AAK1: variants seen among roughly 807,000 people sequenced by gnomAD.
The protein encoded by AAK1 is AP2-associated protein kinase 1.
AAK1 carries 37 observed loss-of-function variants against 116.0 expected under a neutral mutation model. The observed-to-expected ratio is 0.32, with a 90% CI of 0.25 to 0.42. The LOEUF (loss-of-function observed/expected upper bound fraction) is 0.42, where lower values mean the gene tolerates loss of function less well. AAK1 is among the 10% of genes least tolerant of loss of function. AAK1 has a pLI of 1.00. For synonymous variants in AAK1, 458 were observed against 439.9 expected, an observed-to-expected ratio of 1.04 and a Z score of -0.51; for missense variants, 919 against 1,170.6, an observed-to-expected ratio of 0.79 and a Z score of 3.14.
At chr2:69,492,865 G>T (rs1291752871) in intron 17 of AAK1, among the ~76,000 whole-genome samples, 1 of 151,858 alleles carries the variant, frequency 6.6e-6, no homozygotes, top group Non-Finnish European at 1.5e-5. Flanking sequence ...AGTAGAAGAT[G>T]AGCATGTATG....
intron 2 of AAK1, among the ~76,000 whole-genome samples, chr2:69,578,340 A>G (rs1672399586): frequency 6.6e-6 from 1 of 152,194 alleles, no homozygotes; most frequent in South Asian, 2.1e-4. Flanking sequence ...TTAGTGATTC[A>G]ATCCTAAGGA....
In AAK1 at chr2:69,643,237, C is replaced by A. The variant is rs1675828861; in HGVS notation, c.-197G>T. On this transcript the variant is annotated 5_prime_UTR_variant, in exon 2 of 22. Transcript: ENST00000409085. ...ATGCGTGTCAATCGCGCAGCGGGTC[C>A]CCTCCTCCTCCAGAAAGCGATTCGT... 7.1e-7 allele frequency: 1 copy of A among 1,408,286 alleles called. No individual in the cohort carries two copies. Among genetic ancestry groups the A allele is most frequent in the Admixed American group, 3.2e-5 (1 of 31,634 alleles). 87.2% of individuals were successfully genotyped at this position (1,408,286 alleles called of 1,614,324 possible). A position where few individuals can be genotyped will look rare whatever the true frequency, so the allele number is the denominator to read the frequency against.
chr2:69,612,845 T>G (rs1674149264), intron 2 of AAK1, among the ~76,000 whole-genome samples: 1 of 152,232 alleles, frequency 6.6e-6, no homozygotes, highest in South Asian at 2.1e-4. Context: ...TGTCTTCCAC[T>G]CTACTATGAT....
rs1553407377 is a variant in AAK1, at chr2:69,472,064, C to T, written c.*3805G>A. The T allele has an allele frequency of 1.0e-6, 1 of 985,090 alleles. No homozygotes were observed. Among genetic ancestry groups the T allele is most frequent in the South Asian group, 4.7e-5 (1 of 21,276 alleles). 61.0% of individuals were successfully genotyped at this position (985,090 alleles called of 1,614,324 possible). On this transcript the variant is annotated 3_prime_UTR_variant, in exon 22 of 22. Transcript: ENST00000409085. ...AACTTCTTTCAGAGGTGTTTTAATA[C>T]CCATATCTTTCAATGTTTTAAACCA...
At chr2:69,552,412 G>A (rs1447113593) in intron 3 of AAK1, among the ~76,000 whole-genome samples, 1 of 151,992 alleles carries the variant, frequency 6.6e-6, no homozygotes, top group Non-Finnish European at 1.5e-5. Context: ...GACTCATTAT[G>A]CAAAAATTAA....
intron 2 of AAK1, among the ~76,000 whole-genome samples, chr2:69,576,783 C>T (rs2105133331): frequency 6.6e-6 from 1 of 152,248 alleles, no homozygotes; most frequent in East Asian, 1.9e-4. Flanking sequence ...AAAAAAATGG[C>T]CTCTAGAGCC....
At chr2:69,612,605 A>C (rs1233028878) in intron 2 of AAK1, among the ~76,000 whole-genome samples, 1 of 152,208 alleles carries the variant, frequency 6.6e-6, no homozygotes, top group East Asian at 1.9e-4. Context: ...TTTTATGATA[A>C]AGGTTCTTTC....
Position 69,482,773 on chromosome 2 carries a change from A to C in AAK1, c.2405T>G (p.Leu802Arg). The change falls in exon 18 of 22, where the codon CTT becomes CGT. Residue 802 changes from leucine (L) to arginine (R), a missense_variant. Transcript: ENST00000409085. ...CATAGGCAAGAGGTCAGGGAGCAGA[A>C]GAGAAGTGTCAGGAGATTTGAGTCC... ...IEGLKSPDTS[L>R]LLPDLLPMTD... The C allele has an allele frequency of 6.8e-6, 11 of 1,613,876 alleles. No individual in the cohort carries two copies. Among genetic ancestry groups the C allele is most frequent in the Non-Finnish European group, 9.3e-6 (11 of 1,179,774 alleles).
intron 18 of AAK1, chr2:69,481,262 T>C (rs1675077585): frequency 4.2e-6 from 1 of 238,534 alleles, no homozygotes; most frequent in South Asian, 5.6e-5. Context: ...ATGTCTAGGC[T>C]TCACTGAGCA....
rs748288085 is a variant in AAK1 at position 69,470,789 on chromosome 2, A to G, written c.*5080T>C. 7.1e-6 allele frequency: 7 copies of G among 985,812 alleles called. No individual in the cohort carries two copies. The highest frequency in any genetic ancestry group is 8.4e-6 in the Non-Finnish European group (7 of 829,906). The allele number at this position is 985,812 out of a possible 1,614,324, so 61.1% of individuals were successfully genotyped here. A position where few individuals can be genotyped will look rare whatever the true frequency, so the allele number is the denominator to read the frequency against. ...ATTAATATGTCCTCAGTGTGTAGCT[A>G]TACTTTTCTTGTGCCCAGGTACTTA... On this transcript the variant is annotated 3_prime_UTR_variant, in exon 22 of 22. Coordinates refer to ENST00000409085, the MANE Select transcript of AAK1 (RefSeq NM_014911.5).
intron 17 of AAK1, among the ~76,000 whole-genome samples, chr2:69,487,789 T>A (rs991001532): frequency 3.1e-5 from 4 of 130,624 alleles, no homozygotes; most frequent in Admixed American, 1.8e-4. Flanking sequence ...TTTGTTTGCT[T>A]TTTTTTTTTT....
intron 2 of AAK1, among the ~76,000 whole-genome samples, chr2:69,640,659 C>CCA (rs1675682478): frequency 6.6e-6 from 1 of 152,124 alleles, no homozygotes; most frequent in Non-Finnish European, 1.5e-5. Flanking sequence ...CTTCTAAGAG[C>CCA]CACAAATTCA....
At chr2:69,511,800 T>A (rs1645904358) in intron 13 of AAK1, among the ~76,000 whole-genome samples, 2 of 152,148 alleles carry the variant, frequency 1.3e-5, no homozygotes, top group African/African-American at 2.4e-5. Context: ...TGGAGAACAT[T>A]TTTCTCTTCT....
At chr2:69,582,095 T>C (rs1189459396) in intron 2 of AAK1, among the ~76,000 whole-genome samples, 1 of 152,238 alleles carries the variant, frequency 6.6e-6, no homozygotes, top group Non-Finnish European at 1.5e-5. Context: ...ATTAAGTACC[T>C]AATTTACAAA....
At chr2:69,556,140 G>T (rs1174513358) in intron 3 of AAK1, among the ~76,000 whole-genome samples, 1 of 152,110 alleles carries the variant, frequency 6.6e-6, no homozygotes, top group African/African-American at 2.4e-5. Flanking sequence ...AGATTTTAAG[G>T]TGTTCAATTG....
chr2:69,581,207 G>A (rs1192831829), intron 2 of AAK1, among the ~76,000 whole-genome samples: 2 of 152,116 alleles, frequency 1.3e-5, no homozygotes, highest in East Asian at 1.9e-4. Context: ...TCCGCCTCCC[G>A]GGTTCAAGCA....
At chr2:69,627,254 A>G (rs1041004080) in intron 2 of AAK1, among the ~76,000 whole-genome samples, 8 of 148,636 alleles carry the variant, frequency 5.4e-5, no homozygotes, top group African/African-American at 2.0e-4. Context: ...GCACCATTAC[A>G]CTCCAGCCTG....
intron 20 of AAK1, 129 bp downstream of exon 20, chr2:69,478,822 G>A (rs1473827068): frequency 1.4e-6 from 1 of 713,620 alleles, no homozygotes; most frequent in African/African-American, 1.8e-5. Context: ...AGATACTCAA[G>A]TTTTCCATAC....
intron 20 of AAK1, among the ~76,000 whole-genome samples, chr2:69,477,488 G>A (rs1279764517): frequency 6.6e-6 from 1 of 151,884 alleles, no homozygotes; most frequent in Non-Finnish European, 1.5e-5. Context: ...CTGTGACTGG[G>A]AAAAAAAGAC....
Sources: gnomAD v4.1 joint callset for allele counts (sites outside exome capture counted in the v4.1 genomes callset) on GRCh38, gnomAD v4.1.1 for gene constraint, MANE v1.5 for transcripts, NCBI Gene and HGNC (gene_info 2026-07-23, HGNC 2026-07-21) for gene names.